Variants in MARCHF5 observed in about 807,000 individuals in gnomAD.
The protein encoded by MARCHF5 is E3 ubiquitin-protein ligase MARCHF5.
In MARCHF5, 5 loss-of-function variants were observed where a neutral mutation model predicts 36.5. The ratio of observed to expected loss-of-function variants is 0.14; its 90% confidence interval spans 0.07 to 0.29. The LOEUF is 0.29. Among genes scored for constraint, MARCHF5 ranks in the 10% least tolerant of loss-of-function variants. MARCHF5 has a pLI of 1.00. For missense variants in MARCHF5, 179 were observed against 336.3 expected, an observed-to-expected ratio of 0.53 and a Z score of 3.66; for synonymous variants, 103 against 109.9, an observed-to-expected ratio of 0.94 and a Z score of 0.39.
At position 92,312,241 on chromosome 10, in the gene MARCHF5, A is replaced by G. The variant is rs184624871; in HGVS notation, c.238+904A>G. Among the ~76,000 whole-genome samples, 16 of 152,336 alleles carry G rather than the reference A, an allele frequency of 1.1e-4. No homozygotes were observed. In the East Asian group the frequency reaches 3.1e-3, roughly 29 times the overall value. ...ACTGAAATCAGACCAATGTTTTTGA[A>G]AATGTGGCAACATAAATGCAGATAA... On this transcript the variant is annotated intron_variant, in intron 2 of 5. Coordinates refer to ENST00000358935, the MANE Select transcript of MARCHF5 (RefSeq NM_017824.5).
intron 3 of MARCHF5, among the ~76,000 whole-genome samples, chr10:92,346,803 T>A (rs1215469602): frequency 6.6e-6 from 1 of 152,104 alleles, no homozygotes; most frequent in Non-Finnish European, 1.5e-5. Context: ...TTTTGTTTCC[T>A]TATTCTTAAA....
At chr10:92,298,817 C>T (rs531777292) in intron 1 of MARCHF5, among the ~76,000 whole-genome samples, 1 of 152,302 alleles carries the variant, frequency 6.6e-6, no homozygotes, top group Admixed American at 6.5e-5. Flanking sequence ...CCTGCCTCAG[C>T]CTCCCATAGT....
At chr10:92,294,446 T>A (rs1203098738) in intron 1 of MARCHF5, among the ~76,000 whole-genome samples, 1 of 152,196 alleles carries the variant, frequency 6.6e-6, no homozygotes, top group African/African-American at 2.4e-5. Flanking sequence ...ACTTTATGTT[T>A]ACAGCTTTCT....
chr10:92,291,549 G>A lies in MARCHF5; in HGVS notation c.35+20G>A, dbSNP rs1440038346. On this transcript the variant is annotated intron_variant, in intron 1 of 5. Coordinates refer to ENST00000358935, the MANE Select transcript of MARCHF5 (RefSeq NM_017824.5). ...GGACAGGTACGGGCAGCTGTGGGGG[G>A]GACCGGGAGCCGCCGACCCTCGCTC... 1.3e-6 allele frequency: 2 copies of A among 1,530,920 alleles called. No homozygotes were observed. Among genetic ancestry groups the A allele is most frequent in the East Asian group, 2.5e-5 (1 of 39,382 alleles). The allele number at this position is 1,530,920 out of a possible 1,614,324, so 94.8% of individuals were successfully genotyped here. A position where few individuals can be genotyped will look rare whatever the true frequency, so the allele number is the denominator to read the frequency against.
intron 2 of MARCHF5, among the ~76,000 whole-genome samples, chr10:92,321,228 G>A (rs773170285): frequency 1.7e-4 from 26 of 152,074 alleles, no homozygotes; most frequent in Non-Finnish European, 2.5e-4. Flanking sequence ...TGAGTAACAC[G>A]TGAGTGTATG....
In MARCHF5 at chr10:92,309,875, T is replaced by C. The variant is rs1590650520; in HGVS notation, c.36-1260T>C. On this transcript the variant is annotated intron_variant, in intron 1 of 5. Coordinates refer to ENST00000358935, the MANE Select transcript of MARCHF5 (RefSeq NM_017824.5). ...GTATTTTTGGACAACCATAAGACAATGTGAAGGCCCAGACAGCTTAGCTAA... is the reference window on the plus strand; with the variant it reads ...GTATTTTTGGACAACCATAAGACAACGTGAAGGCCCAGACAGCTTAGCTAA... Among the ~76,000 whole-genome samples the C allele has an allele frequency of 2.0e-5, 3 of 152,240 alleles. No homozygotes were observed. In the South Asian group the frequency reaches 6.2e-4, roughly 32 times the overall value.
At chr10:92,329,515 C>G (rs73318084) in intron 2 of MARCHF5, among the ~76,000 whole-genome samples, 10,945 of 152,112 alleles carry the variant, frequency 0.072, 1,299 homozygotes, top group African/African-American at 0.25. Flanking sequence ...CATAAAAATA[C>G]TCCCCATTGT....
Position 92,314,755 on chromosome 10 carries a change from C to G in MARCHF5, c.238+3418C>G, listed in dbSNP as rs796528339. 1.8e-3 allele frequency among the ~76,000 whole-genome samples: 237 copies of G among 135,168 alleles called. 28 individuals are homozygous for G. Among genetic ancestry groups the G allele is most frequent in the African/African-American group, 5.8e-3 (188 of 32,152 alleles). 88.7% of individuals were successfully genotyped at this position (135,168 alleles called of 152,430 possible). ...CTGCTGCTGCTTCCCCCCGCCCCCC[C>G]CCGCCAATAGAGGTTGGGTCTTGCT... On this transcript the variant is annotated intron_variant, in intron 2 of 5. Transcript: ENST00000358935.
At chr10:92,318,572 A>G (rs924943804) in intron 2 of MARCHF5, among the ~76,000 whole-genome samples, 15 of 151,978 alleles carry the variant, frequency 9.9e-5, no homozygotes, top group Non-Finnish European at 2.9e-5. Context: ...AAATACAGAA[A>G]ATTAGCCAGG....
chr10:92,351,470 G>T lies in MARCHF5; in HGVS notation c.*263G>T. 3.9e-6 allele frequency: 1 copy of T among 258,640 alleles called. No homozygotes were observed. 16.0% of individuals were successfully genotyped at this position (258,640 alleles called of 1,614,324 possible). ...TCTTAGCATGGTAAACCTGGGTTTT[G>T]TTCATATTTTCTCCAGACAGAAATG... On this transcript the variant is annotated 3_prime_UTR_variant, in exon 6 of 6. Transcript: ENST00000358935.
chr10:92,305,496 GA>G (rs1308760469), intron 1 of MARCHF5, among the ~76,000 whole-genome samples: 62 of 152,180 alleles, frequency 4.1e-4, no homozygotes, highest in Non-Finnish European at 1.2e-4. Flanking sequence ...TCGGGATCAT[GA>G]TCACCTGATG....
chr10:92,295,944 C>T (rs546091301), intron 1 of MARCHF5, among the ~76,000 whole-genome samples: 6 of 151,174 alleles, frequency 4.0e-5, no homozygotes, highest in African/African-American at 1.2e-4. Flanking sequence ...GGCGCGATCT[C>T]GGTTCACCAC....
rs1403673833 is a variant in MARCHF5 at position 92,352,668 on chromosome 10, A to G, written c.*1461A>G. 6.6e-6 allele frequency: 1 copy of G among 152,518 alleles called. No homozygotes were observed. The highest frequency in any genetic ancestry group is 1.9e-4 in the East Asian group (1 of 5,200). The allele number at this position is 152,518 out of a possible 1,614,324, so 9.4% of individuals were successfully genotyped here. Reference sequence around the variant, plus strand: ...ATAGATTGAGCTATGTTAGTTTGCAATAATATATGTTAACTTTAGTAATTA... The same window carrying G: ...ATAGATTGAGCTATGTTAGTTTGCAGTAATATATGTTAACTTTAGTAATTA... On this transcript the variant is annotated 3_prime_UTR_variant, in exon 6 of 6. Coordinates refer to ENST00000358935, the MANE Select transcript of MARCHF5 (RefSeq NM_017824.5).
chr10:92,293,379 C>G (rs1245570487), intron 1 of MARCHF5, among the ~76,000 whole-genome samples: 1 of 152,076 alleles, frequency 6.6e-6, no homozygotes, highest in East Asian at 1.9e-4. Context: ...GCTGGATTGT[C>G]AGGCATGAGC....
At chr10:92,306,748 T>C (rs1053709818) in intron 1 of MARCHF5, among the ~76,000 whole-genome samples, 1 of 152,144 alleles carries the variant, frequency 6.6e-6, no homozygotes, top group Non-Finnish European at 1.5e-5. Flanking sequence ...GCGCAGTGGC[T>C]CATGACTGTA....
intron 1 of MARCHF5, among the ~76,000 whole-genome samples, chr10:92,298,241 C>G (rs1842971334): frequency 6.6e-6 from 1 of 152,164 alleles, no homozygotes; most frequent in Non-Finnish European, 1.5e-5. Flanking sequence ...ACATTTTCTT[C>G]AGGACTTTTT....
chr10:92,325,832 CA>C, intron 2 of MARCHF5, among the ~76,000 whole-genome samples: 1 of 152,120 alleles, frequency 6.6e-6, no homozygotes, highest in Non-Finnish European at 1.5e-5. Context: ...TGTGCACCAC[CA>C]CACCTGGCTA....
At chr10:92,338,777 C>A (rs528991185) in intron 2 of MARCHF5, among the ~76,000 whole-genome samples, 2 of 152,232 alleles carry the variant, frequency 1.3e-5, no homozygotes, top group African/African-American at 4.8e-5. Flanking sequence ...TCATCAGAAT[C>A]CTATGTTAAT....
chr10:92,325,099 G>A (rs1365822717), intron 2 of MARCHF5, among the ~76,000 whole-genome samples: 5 of 152,060 alleles, frequency 3.3e-5, no homozygotes, highest in East Asian at 1.9e-4. Context: ...TTGGAAGGTC[G>A]AGGCGGGGGG....
Sources: allele counts gnomAD v4.1 joint callset (sites outside exome capture counted in the v4.1 genomes callset), GRCh38; gene constraint gnomAD v4.1.1; transcripts MANE v1.5; gene names NCBI Gene and HGNC (gene_info 2026-07-23, HGNC 2026-07-21).